Variants in TTC28 observed in about 807,000 individuals in gnomAD.
TTC28 encodes tetratricopeptide repeat protein 28.
Under a neutral mutation model 198.0 loss-of-function variants are expected in TTC28, and 61 were observed. The observed-to-expected ratio is 0.31, with a 90% CI of 0.25 to 0.38. The LOEUF is 0.38. TTC28 is among the 10% of genes least tolerant of loss of function. TTC28 has a pLI of 1.00. For synonymous variants in TTC28, 1,171 were observed against 1,297.8 expected, an observed-to-expected ratio of 0.90 and a Z score of 2.10; for missense variants, 2,678 against 3,164.0, an observed-to-expected ratio of 0.85 and a Z score of 3.69.
intron 2 of TTC28, among the ~76,000 whole-genome samples, chr22:28,368,132 T>C (rs540113609): frequency 7.9e-5 from 12 of 152,136 alleles, no homozygotes; most frequent in Admixed American, 2.0e-4. Flanking sequence ...ATATCTCTGA[T>C]AAATATTGAT....
intron 2 of TTC28, among the ~76,000 whole-genome samples, chr22:28,567,527 A>G (rs1338148214): frequency 1.8e-5 from 1 of 54,502 alleles, no homozygotes; most frequent in Non-Finnish European, 3.8e-5. Context: ...CCTATTAATG[A>G]TTAGGATTCA....
intron 2 of TTC28, among the ~76,000 whole-genome samples, chr22:28,374,496 C>T (rs372905441): frequency 1.3e-5 from 2 of 151,988 alleles, no homozygotes; most frequent in East Asian, 3.9e-4. Context: ...CTCTGGGAAG[C>T]AATATGGGTA....
intron 2 of TTC28, among the ~76,000 whole-genome samples, chr22:28,509,736 T>A (rs111714241): frequency 0.036 from 5,375 of 151,004 alleles, 151 homozygotes; most frequent in African/African-American, 0.069. Context: ...AAACAATCAA[T>A]GAATTCACAA....
At chr22:28,226,174 G>A (rs971518280) in intron 5 of TTC28, among the ~76,000 whole-genome samples, 2 of 152,080 alleles carry the variant, frequency 1.3e-5, no homozygotes, top group Non-Finnish European at 2.9e-5. Flanking sequence ...GAAACGGTTC[G>A]GTCATATGGT....
intron 2 of TTC28, among the ~76,000 whole-genome samples, chr22:28,385,198 A>G (rs2046558815): frequency 6.7e-6 from 1 of 150,248 alleles, no homozygotes; most frequent in African/African-American, 2.4e-5. Flanking sequence ...ATTTCCAGCT[A>G]TGTGACCCTG....
chr22:28,409,987 T>A (rs1170519510), intron 2 of TTC28, among the ~76,000 whole-genome samples: 1 of 151,858 alleles, frequency 6.6e-6, no homozygotes, highest in African/African-American at 2.4e-5. Flanking sequence ...AGCAGCACGA[T>A]CTCAGTTCAC....
chr22:28,650,286 T>C (rs2051544018), intron 1 of TTC28, among the ~76,000 whole-genome samples: 1 of 151,988 alleles, frequency 6.6e-6, no homozygotes, highest in Non-Finnish European at 1.5e-5. Flanking sequence ...AAAGAATAAT[T>C]TGCGTGCCTA....
intron 2 of TTC28, among the ~76,000 whole-genome samples, chr22:28,311,810 C>CCA (rs942288799): frequency 1.3e-5 from 2 of 151,712 alleles, no homozygotes; most frequent in African/African-American, 4.8e-5. Flanking sequence ...TTACTCGCCC[C>CCA]CACACACACA....
chr22:28,332,317 G>T, intron 2 of TTC28, among the ~76,000 whole-genome samples: 1 of 151,702 alleles, frequency 6.6e-6, no homozygotes, highest in East Asian at 1.9e-4. Flanking sequence ...CTTATGTAAA[G>T]AATCCTTGTT....
intron 14 of TTC28, chr22:28,001,920 T>C: frequency 4.8e-6 from 1 of 209,624 alleles, no homozygotes; most frequent in Non-Finnish European, 9.9e-6. Flanking sequence ...CTGTTTTCCA[T>C]TTCAATGGAC....
At chr22:28,590,105 C>T (rs1275984796) in intron 2 of TTC28, among the ~76,000 whole-genome samples, 1 of 144,182 alleles carries the variant, frequency 6.9e-6, no homozygotes, top group Non-Finnish European at 1.5e-5. Context: ...GATTTGATCT[C>T]ATGGGCTTCT....
rs553243109 is a variant in TTC28, at chr22:28,021,968, G to C, written c.4074-7576C>G. On this transcript the variant is annotated intron_variant, in intron 13 of 22. Coordinates refer to ENST00000397906, the MANE Select transcript of TTC28 (RefSeq NM_001145418.2). ...CCCGCCATCTTCTGGGCTGTGATGT[G>C]AGTACACCACTCGCATCCTCTTCCA... Among the ~76,000 whole-genome samples the C allele has an allele frequency of 1.7e-4, 26 of 152,348 alleles. No individual in the cohort carries two copies. The South Asian group carries it at 5.4e-3, about 32-fold the overall frequency.
At chr22:28,592,343 C>CTTTGTT (rs149245668) in intron 2 of TTC28, among the ~76,000 whole-genome samples, 2,411 of 152,090 alleles carry the variant, frequency 0.016, 85 homozygotes, top group African/African-American at 0.056. Context: ...CAGAATGAGA[C>CTTTGTT]TTTGTTTCTA....
chr22:28,390,990 T>C (rs1404478022), intron 2 of TTC28, among the ~76,000 whole-genome samples: 2 of 152,236 alleles, frequency 1.3e-5, no homozygotes, highest in East Asian at 3.8e-4. Flanking sequence ...CAGTTGTTCC[T>C]TTCCATGTTT....
chr22:28,275,922 G>A (rs994639221), intron 5 of TTC28, among the ~76,000 whole-genome samples: 1 of 152,104 alleles, frequency 6.6e-6, no homozygotes, highest in African/African-American at 2.4e-5. Context: ...AACAGCATTG[G>A]ACTAAAACTG....
intron 5 of TTC28, among the ~76,000 whole-genome samples, chr22:28,283,415 G>C (rs1251578290): frequency 6.6e-6 from 1 of 151,956 alleles, no homozygotes; most frequent in Non-Finnish European, 1.5e-5. Context: ...ACATAGTGTA[G>C]AAAATGTCTG....
intron 5 of TTC28, among the ~76,000 whole-genome samples, chr22:28,194,779 T>C (rs1925226575): frequency 7.9e-6 from 1 of 127,370 alleles, no homozygotes; most frequent in South Asian, 2.7e-4. Flanking sequence ...GGCTCTGAAA[T>C]TGAGGCAATA....
At chr22:28,197,953 A>T (rs1925539469) in intron 5 of TTC28, among the ~76,000 whole-genome samples, 1 of 152,276 alleles carries the variant, frequency 6.6e-6, no homozygotes, top group Middle Eastern at 3.4e-3. Flanking sequence ...ATAAGATTTC[A>T]CTTCACCTTT....
rs185624206 is a variant in TTC28, at chr22:28,115,535, G to A, written c.1442-7132C>T. ...ACAGATTGATGGCCTGGCTAAATCT[G>A]TATCTAGAGAACAGAGAAGTACACA... On this transcript the variant is annotated intron_variant, in intron 6 of 22. Coordinates refer to ENST00000397906, the MANE Select transcript of TTC28 (RefSeq NM_001145418.2). 2.6e-5 allele frequency among the ~76,000 whole-genome samples: 4 copies of A among 152,312 alleles called. No homozygotes were observed. The East Asian group carries it at 5.8e-4, about 22-fold the overall frequency.
Sources: allele counts gnomAD v4.1 joint callset (sites outside exome capture counted in the v4.1 genomes callset), GRCh38; gene constraint gnomAD v4.1.1; transcripts MANE v1.5; gene names NCBI Gene and HGNC (gene_info 2026-07-23, HGNC 2026-07-21).